Variants in RORA observed in about 807,000 individuals in gnomAD.
RORA encodes the protein nuclear receptor ROR-alpha.
A neutral mutation model predicts 69.5 loss-of-function variants in RORA; 7 were observed. The ratio of observed to expected loss-of-function variants is 0.10; its 90% CI spans 0.06 to 0.19. The LOEUF is 0.19. RORA is among the 10% of genes least tolerant of loss of function. The probability of loss-of-function intolerance (pLI) is 1.00; values close to 1 mark genes in which losing one functional copy is unlikely to be tolerated. For missense variants in RORA, 457 were observed against 663.0 expected (o/e 0.69, Z 3.41); for synonymous variants, 261 against 240.8 (o/e 1.08, Z -0.78).
chr15:60,714,114 C>T (rs567769874), intron 1 of RORA, among the ~76,000 whole-genome samples: 3 of 151,684 alleles, frequency 2.0e-5, no homozygotes, highest in South Asian at 2.1e-4. Context: ...AGTGCAATGG[C>T]GTGGTCTCAG....
intron 1 of RORA, among the ~76,000 whole-genome samples, chr15:60,694,594 C>T (rs955071723): frequency 6.6e-6 from 1 of 152,244 alleles, no homozygotes; most frequent in African/African-American, 2.4e-5. Flanking sequence ...ATAACCAGGA[C>T]TGGAGGGGCC....
At chr15:61,063,036 G>A (rs1411090017) in intron 1 of RORA, among the ~76,000 whole-genome samples, 2 of 152,182 alleles carry the variant, frequency 1.3e-5, no homozygotes, top group Admixed American at 6.5e-5. Context: ...TGAAGAGTGG[G>A]AACTCACAGA....
chr15:61,060,141 C>T (rs146389313), intron 1 of RORA, among the ~76,000 whole-genome samples: 243 of 152,236 alleles, frequency 1.6e-3, no homozygotes, highest in Middle Eastern at 0.01. Flanking sequence ...GCCTAGAGCA[C>T]AATGTGGTTC....
At chr15:60,539,479 CT>C (rs1032831685) in intron 2 of RORA, among the ~76,000 whole-genome samples, 2 of 152,124 alleles carry the variant, frequency 1.3e-5, no homozygotes, top group Admixed American at 1.3e-4. Flanking sequence ...CAGTGGGTGG[CT>C]TTTTTAGATC....
chr15:60,517,388 T>C (rs754738461), intron 3 of RORA, among the ~76,000 whole-genome samples: 1 of 152,104 alleles, frequency 6.6e-6, no homozygotes, highest in Non-Finnish European at 1.5e-5. Context: ...TGTTGTACTT[T>C]AACTCTACCC....
chr15:60,565,722 A>C (rs1460912702), intron 2 of RORA, among the ~76,000 whole-genome samples: 1 of 152,246 alleles, frequency 6.6e-6, no homozygotes, highest in Non-Finnish European at 1.5e-5. Context: ...ATTTGGTACA[A>C]ACATATATAG....
chr15:60,745,562 C>T (rs1035287751), intron 1 of RORA, among the ~76,000 whole-genome samples: 1 of 152,044 alleles, frequency 6.6e-6, no homozygotes, highest in African/African-American at 2.4e-5. Context: ...CTCGGCATGG[C>T]CAGAGAGGCC....
chr15:60,833,835 G>T (rs970319800), intron 1 of RORA, among the ~76,000 whole-genome samples: 1 of 152,224 alleles, frequency 6.6e-6, no homozygotes, highest in Non-Finnish European at 1.5e-5. Flanking sequence ...TGAAGTCTGG[G>T]TTCCAAGACT....
At chr15:61,140,101 T>C (rs551194569) in intron 1 of RORA, among the ~76,000 whole-genome samples, 12 of 152,282 alleles carry the variant, frequency 7.9e-5, no homozygotes, top group African/African-American at 2.4e-4. Flanking sequence ...GTTGAACTTA[T>C]TTTTCGAGAG....
chr15:60,773,117 C>A (rs2072102839), intron 1 of RORA, among the ~76,000 whole-genome samples: 1 of 152,176 alleles, frequency 6.6e-6, no homozygotes, highest in Non-Finnish European at 1.5e-5. Flanking sequence ...CCTCCCTTGA[C>A]AGCTCATTTG....
At position 60,812,507 on chromosome 15, in the gene RORA, G is replaced by A. The variant is rs113180441; in HGVS notation, c.167-133821C>T. On this transcript the variant is annotated intron_variant, in intron 1 of 10. Transcript: ENST00000335670. ...CCTGGGCAACAGACTGAGGCCCTGTGTCTAAAAATAAATAAATCAATAAAT... is the reference window on the plus strand; with the variant it reads ...CCTGGGCAACAGACTGAGGCCCTGTATCTAAAAATAAATAAATCAATAAAT... 7.6e-3 allele frequency among the ~76,000 whole-genome samples: 1,152 copies of A among 152,178 alleles called. 8 individuals carry two copies. The highest frequency in any genetic ancestry group is 0.023 in the East Asian group (120 of 5,180).
intron 1 of RORA, among the ~76,000 whole-genome samples, chr15:60,831,928 T>G (rs2073047813): frequency 6.6e-6 from 1 of 152,188 alleles, no homozygotes; most frequent in Non-Finnish European, 1.5e-5. Context: ...AAGTGGCAGC[T>G]AATATGGTAG....
In RORA at chr15:60,531,823, G is replaced by T; in HGVS notation, c.225C>A (p.Ile75=). ...GGATTCCTGATGATTTGTCTCCACA[G>T]ATCTTGCATGGAATAATTTCAATTT... ...TSQIEIIPCK[I]CGDKSSGIHY... is the part of the protein sequence containing the mutation. Residue 75 remains isoleucine (I), a synonymous_variant, in exon 3 of 11, where the codon ATC becomes ATA. Transcript: ENST00000335670. The surrounding 1 kb of genome is among the most constrained non-coding windows in gnomAD (Gnocchi z 4.8). The T allele has an allele frequency of 6.3e-7, 1 of 1,598,226 alleles. No homozygotes were observed. Among genetic ancestry groups the T allele is most frequent in the East Asian group, 2.3e-5 (1 of 43,990 alleles).
intron 1 of RORA, among the ~76,000 whole-genome samples, chr15:61,074,492 T>C (rs1180828621): frequency 6.6e-6 from 1 of 152,236 alleles, no homozygotes; most frequent in Non-Finnish European, 1.5e-5. Context: ...CCATTTCTTC[T>C]TAACTAAGCC....
intron 2 of RORA, among the ~76,000 whole-genome samples, chr15:60,562,431 T>TG (rs35181714): frequency 0.19 from 27,361 of 141,974 alleles, 4,010 homozygotes; most frequent in African/African-American, 0.42. Flanking sequence ...GAGGCGGGGT[T>TG]GGGGGGGGGT....
intron 1 of RORA, among the ~76,000 whole-genome samples, chr15:60,747,130 C>T (rs1379996300): frequency 6.6e-6 from 1 of 152,232 alleles, no homozygotes; most frequent in African/African-American, 2.4e-5. Context: ...TCAATCTCTT[C>T]TCTAAGAAAC....
intron 1 of RORA, among the ~76,000 whole-genome samples, chr15:60,941,749 T>G (rs952215766): frequency 4.6e-5 from 7 of 152,244 alleles, no homozygotes; most frequent in African/African-American, 1.7e-4. Context: ...ATGTTAGCAT[T>G]AGCAACCCAA....
At chr15:60,730,382 C>A (rs574356560) in intron 1 of RORA, among the ~76,000 whole-genome samples, 1 of 152,190 alleles carries the variant, frequency 6.6e-6, no homozygotes, top group Non-Finnish European at 1.5e-5. Flanking sequence ...CCTTTCATAG[C>A]CTGATTTCTT....
At chr15:60,612,661 G>GTTTT (rs71122864) in intron 2 of RORA, among the ~76,000 whole-genome samples, 181 of 107,034 alleles carry the variant, frequency 1.7e-3, no homozygotes, top group Non-Finnish European at 2.6e-3. Context: ...CTCTCTCTCT[G>GTTTT]TTTTTTTTTT....
Sources: allele counts gnomAD v4.1 joint callset (sites outside exome capture counted in the v4.1 genomes callset), GRCh38; gene constraint gnomAD v4.1.1; non-coding constraint Gnocchi (gnomAD v3.1); transcripts MANE v1.5; gene names NCBI Gene and HGNC (gene_info 2026-07-23, HGNC 2026-07-21).